The following FKTN variants were observed in gnomAD, a reference collection of about 807,000 sequenced individuals.
FKTN encodes the protein fukutin, also known as ribitol-5-phosphate transferase FKTN.
A neutral mutation model predicts 58.6 loss-of-function variants in FKTN; 47 were observed. The observed-to-expected ratio is 0.80, with a 90% confidence interval of 0.63 to 1.02. The LOEUF (loss-of-function observed/expected upper bound fraction) is 1.02. FKTN is among the 50% of genes least tolerant of loss of function. FKTN has a pLI of 0.00. For missense variants in FKTN, 516 were observed against 537.3 expected, an observed-to-expected ratio of 0.96 and a Z score of 0.39; for synonymous variants, 178 against 191.9, an observed-to-expected ratio of 0.93 and a Z score of 0.60.
At chr9:105,562,093 A>G (rs1389141400) in intron 1 of FKTN, among the ~76,000 whole-genome samples, 1 of 152,112 alleles carries the variant, frequency 6.6e-6, no homozygotes, top group Non-Finnish European at 1.5e-5. Context: ...GCATATTTGA[A>G]TGTCAGTTCT....
intron 3 of FKTN, among the ~76,000 whole-genome samples, chr9:105,586,831 A>G (rs1010904982): frequency 6.6e-6 from 1 of 152,228 alleles, no homozygotes; most frequent in African/African-American, 2.4e-5. Flanking sequence ...CAGTTTGACA[A>G]GTAAAATTGT....
intron 5 of FKTN, chr9:105,603,700 G>A (rs1828320346): frequency 6.6e-6 from 1 of 152,122 alleles, no homozygotes; most frequent in Non-Finnish European, 1.5e-5. Context: ...TTGAGACAGG[G>A]TCTCACTTTG....
intron 3 of FKTN, among the ~76,000 whole-genome samples, chr9:105,582,156 C>A (rs959091835): frequency 6.6e-6 from 1 of 152,088 alleles, no homozygotes; most frequent in African/African-American, 2.4e-5. Flanking sequence ...AGCTGTAGAC[C>A]GGAGCTGTTC....
chr9:105,626,376 G>A (rs1227407718), intron 10 of FKTN, among the ~76,000 whole-genome samples: 3 of 152,126 alleles, frequency 2.0e-5, no homozygotes, highest in South Asian at 2.1e-4. Context: ...CCCTCCTCCT[G>A]GTTGTAGACT....
intron 1 of FKTN, among the ~76,000 whole-genome samples, chr9:105,572,169 G>T (rs536537683): frequency 1.3e-5 from 2 of 151,840 alleles, no homozygotes; most frequent in South Asian, 4.2e-4. Flanking sequence ...ATACATTACT[G>T]ATCAGGTGAA....
chr9:105,605,912 G>A (rs1481883708), intron 6 of FKTN, among the ~76,000 whole-genome samples: 1 of 152,102 alleles, frequency 6.6e-6, no homozygotes, highest in Non-Finnish European at 1.5e-5. Flanking sequence ...TTAATACAAA[G>A]GATAAATGCT....
At chr9:105,579,526 A>T (rs923783299) in intron 3 of FKTN, among the ~76,000 whole-genome samples, 4 of 151,338 alleles carry the variant, frequency 2.6e-5, no homozygotes, top group African/African-American at 9.7e-5. Flanking sequence ...CTGTGGTCTG[A>T]GAGATAGTTT....
chr9:105,609,714 A>T (rs1031509736), intron 7 of FKTN, among the ~76,000 whole-genome samples: 1 of 152,130 alleles, frequency 6.6e-6, no homozygotes, highest in Non-Finnish European at 1.5e-5. Flanking sequence ...TGTTAGATTT[A>T]GGTTATACTT....
chr9:105,620,326 A>AT (rs1428666901), intron 10 of FKTN, among the ~76,000 whole-genome samples: 3 of 152,170 alleles, frequency 2.0e-5, no homozygotes, highest in Non-Finnish European at 2.9e-5. Context: ...GAGAGAGAGA[A>AT]TGAGAATGAG....
At chr9:105,600,010 C>G (rs1486941134) in intron 4 of FKTN, among the ~76,000 whole-genome samples, 1 of 151,488 alleles carries the variant, frequency 6.6e-6, no homozygotes, top group Non-Finnish European at 1.5e-5. Flanking sequence ...TAGGGCAATT[C>G]AGATTTTGTT....
At chr9:105,601,372 T>C (rs1276791494) in intron 5 of FKTN, 24 bp downstream of exon 5, 6 of 1,462,834 alleles carry the variant, frequency 4.1e-6, no homozygotes, top group South Asian at 2.3e-5. Flanking sequence ...TTTCAGATAA[T>C]GGAATGTGTC....
chr9:105,604,700 A>AT (rs1185444232), intron 6 of FKTN, among the ~76,000 whole-genome samples: 29 of 152,166 alleles, frequency 1.9e-4, no homozygotes, highest in African/African-American at 6.8e-4. Context: ...CATGCATGTA[A>AT]TCCCAGCACT....
chr9:105,600,273 A>C (rs1827644138), intron 4 of FKTN, among the ~76,000 whole-genome samples: 1 of 152,058 alleles, frequency 6.6e-6, no homozygotes, highest in Admixed American at 6.6e-5. Context: ...TTGTCTATTT[A>C]TTTATCTTGT....
chr9:105,619,754 T>C (rs995219029), intron 9 of FKTN, among the ~76,000 whole-genome samples, 180 bp from the exon 10 acceptor site: 4 of 152,228 alleles, frequency 2.6e-5, no homozygotes, highest in African/African-American at 9.6e-5. Flanking sequence ...TTAAATGATA[T>C]GTTACTGATG....
Position 105,619,970 on chromosome 9 carries a change from G to A in FKTN, c.1081G>A (p.Asp361Asn). ...CTTGGAACTATCCTTCCAGGGAAAAGATGATGTAAAACTTGATGTTTTTTT... is the reference window on the plus strand; with the variant it reads ...CTTGGAACTATCCTTCCAGGGAAAAAATGATGTAAAACTTGATGTTTTTTT... ...DSLELSFQGK[D>N]DVKLDVFFFY... The change falls in exon 10 of 11, where the codon GAT (aspartate) becomes AAT (asparagine). Residue 361 changes from aspartate to asparagine, a missense_variant. Physicochemically the swap from Asp to Asn is conservative, Grantham distance 23. Transcript: ENST00000357998. 1 of 1,612,712 alleles carries A rather than the reference G, an allele frequency of 6.2e-7. No homozygotes were observed. Among genetic ancestry groups the A allele is most frequent in the Non-Finnish European group, 8.5e-7 (1 of 1,178,994 alleles).
chr9:105,622,351 A>T (rs1482436136), intron 10 of FKTN, among the ~76,000 whole-genome samples: 1 of 152,020 alleles, frequency 6.6e-6, no homozygotes, highest in Non-Finnish European at 1.5e-5. Context: ...CAGAAGAGGA[A>T]CTCAAGAAGG....
intron 3 of FKTN, among the ~76,000 whole-genome samples, chr9:105,594,154 TG>T (rs1344293229): frequency 6.6e-6 from 1 of 152,164 alleles, no homozygotes; most frequent in African/African-American, 2.4e-5. Flanking sequence ...AGTGCATAAG[TG>T]GAGAGGCTGG....
At chr9:105,561,544 A>G (rs1429304276) in intron 1 of FKTN, among the ~76,000 whole-genome samples, 1 of 152,188 alleles carries the variant, frequency 6.6e-6, no homozygotes, top group Non-Finnish European at 1.5e-5. Context: ...TGTCTTATCT[A>G]TATCTTTCAT....
intron 6 of FKTN, among the ~76,000 whole-genome samples, 182 bp from the exon 7 acceptor site, chr9:105,607,637 G>A (rs1829141755): frequency 6.6e-6 from 1 of 151,814 alleles, no homozygotes; most frequent in Non-Finnish European, 1.5e-5. Context: ...ACTTTAAGTA[G>A]TGGGACACAT....
Sources: allele counts gnomAD v4.1 joint callset (sites outside exome capture counted in the v4.1 genomes callset), GRCh38; gene constraint gnomAD v4.1.1; transcripts MANE v1.5; gene names NCBI Gene and HGNC (gene_info 2026-07-23, HGNC 2026-07-21).